ERC1: variants seen among roughly 807,000 people sequenced by gnomAD.
ERC1 encodes the protein ELKS/RAB6-interacting/CAST family member 1.
A neutral mutation model predicts 132.0 loss-of-function variants in ERC1; 56 were observed. That is an observed-to-expected ratio of 0.42 (90% confidence interval 0.34 to 0.53). ERC1 has a LOEUF of 0.53. ERC1 is among the 20% of genes least tolerant of loss of function. ERC1 has a pLI of 0.03. For missense variants in ERC1, 1,202 were observed against 1,349.9 expected (o/e 0.89, Z 1.72); for synonymous variants, 478 against 476.1 (o/e 1.00, Z -0.05).
chr12:1,341,069 C>CTTTTTCTTTTTTTTTTTTTT (rs2083806518), intron 15 of ERC1, among the ~76,000 whole-genome samples: 1 of 63,134 alleles, frequency 1.6e-5, no homozygotes, highest in African/African-American at 6.3e-5. Flanking sequence ...TTTTCTTTTT[C>CTTTTTCTTTTTTTTTTTTTT]TTTTTTTTTT....
At chr12:1,083,654 C>T (rs1593190346) in intron 3 of ERC1, 74 bp downstream of exon 3, 3 of 1,190,700 alleles carry the variant, frequency 2.5e-6, no homozygotes, top group Admixed American at 2.3e-5. Flanking sequence ...CATCTTGGCC[C>T]CAGTGAATCT....
chr12:1,400,904 G>T (rs2090964474), intron 16 of ERC1, among the ~76,000 whole-genome samples: 2 of 76,090 alleles, frequency 2.6e-5, no homozygotes, highest in African/African-American at 4.4e-5. Flanking sequence ...ATATTGTTTT[G>T]GCTATTTTTG....
Position 1,180,605 on chromosome 12 carries a change from C to G in ERC1, c.1803C>G (p.Val601=), listed in dbSNP as rs769992466. ...EKQMSSLKER[V]KSLQADTTNT... ...AGATGAGCAGCTTGAAAGAACGGGT[C>G]AAATCCTTGCAGGCTGACACCACCA... Residue 601 remains valine (V), a synonymous_variant, in exon 9 of 19, where the codon GTC becomes GTG. Coordinates refer to ENST00000360905, the MANE Select transcript of ERC1 (RefSeq NM_178040.4). 1.9e-6 allele frequency: 3 copies of G among 1,613,898 alleles called. No homozygotes were observed. The highest frequency in any genetic ancestry group is 1.6e-4 in the Middle Eastern group (1 of 6,084).
At chr12:1,417,123 G>A (rs1020933820) in intron 17 of ERC1, among the ~76,000 whole-genome samples, 1 of 151,994 alleles carries the variant, frequency 6.6e-6, no homozygotes, top group Non-Finnish European at 1.5e-5. Flanking sequence ...GTTTGACCTC[G>A]GCACACCACC....
At chr12:1,350,938 A>T (rs1227671651) in intron 15 of ERC1, among the ~76,000 whole-genome samples, 1 of 152,160 alleles carries the variant, frequency 6.6e-6, no homozygotes, top group South Asian at 2.1e-4. Flanking sequence ...TCTCCTGGGA[A>T]CTAATCTGTT....
chr12:1,490,889 G>A lies in ERC1; in HGVS notation c.*659G>A, dbSNP rs1053356494. 1 of 232,872 alleles carries A rather than the reference G, an allele frequency of 4.3e-6. No individual in the cohort carries two copies. The highest frequency in any genetic ancestry group is 8.5e-6 in the Non-Finnish European group (1 of 117,902). 14.4% of individuals were successfully genotyped at this position (232,872 alleles called of 1,614,324 possible). On this transcript the variant is annotated 3_prime_UTR_variant, in exon 19 of 19. Coordinates refer to ENST00000360905, the MANE Select transcript of ERC1 (RefSeq NM_178040.4). ...AGTCTTCATCCAGCCCTGCCTGTCT[G>A]TCGCAGCCTTCCTCACTCTGTTCCT...
chr12:1,006,198 C>T (rs10849615), intron 1 of ERC1, among the ~76,000 whole-genome samples: 144,993 of 151,534 alleles, frequency 0.96, 69,664 homozygotes, highest in East Asian at 1. Flanking sequence ...CTCAGGTGAT[C>T]CACCCGCCTC....
At chr12:1,188,391 C>T (rs766668454) in intron 11 of ERC1, among the ~76,000 whole-genome samples, 3 of 152,110 alleles carry the variant, frequency 2.0e-5, no homozygotes, top group Admixed American at 6.5e-5. Flanking sequence ...ATAGCCTTCT[C>T]CTGCCCATGA....
At chr12:1,189,183 G>A (rs1041593406) in intron 11 of ERC1, among the ~76,000 whole-genome samples, 4 of 152,176 alleles carry the variant, frequency 2.6e-5, no homozygotes, top group African/African-American at 9.7e-5. Context: ...ATAGTGCTGG[G>A]ATTACAGGCT....
At chr12:1,446,914 G>A (rs565676680) in intron 18 of ERC1, among the ~76,000 whole-genome samples, 3 of 152,224 alleles carry the variant, frequency 2.0e-5, no homozygotes. Flanking sequence ...CAGCTACTCA[G>A]GAGGCTGAGG....
chr12:1,171,266 TTA>T (rs1445988826), intron 8 of ERC1, among the ~76,000 whole-genome samples: 3 of 152,200 alleles, frequency 2.0e-5, no homozygotes, highest in African/African-American at 7.2e-5. Flanking sequence ...TTAGAGTTTC[TTA>T]TGGTTTTGTC....
intron 18 of ERC1, among the ~76,000 whole-genome samples, chr12:1,465,823 T>C (rs192303596): frequency 2.0e-5 from 3 of 152,310 alleles, no homozygotes; most frequent in Admixed American, 2.0e-4. Context: ...CTGCTGTTAC[T>C]CCCTGAGCCT....
chr12:1,449,623 A>C (rs968202525), intron 18 of ERC1, among the ~76,000 whole-genome samples: 3 of 152,116 alleles, frequency 2.0e-5, no homozygotes, highest in Admixed American at 6.5e-5. Context: ...AACCTCTTTA[A>C]TAATTACCCA....
chr12:1,176,703 C>T (rs1355948595), intron 8 of ERC1, among the ~76,000 whole-genome samples: 3 of 151,998 alleles, frequency 2.0e-5, no homozygotes, highest in East Asian at 1.9e-4. Flanking sequence ...ATCTCAGCCT[C>T]GTGAATAACT....
chr12:1,211,255 T>C (rs1957843129), intron 12 of ERC1, among the ~76,000 whole-genome samples: 1 of 151,988 alleles, frequency 6.6e-6, no homozygotes. Context: ...TTCAAGCGAT[T>C]CTCCTGCCTC....
intron 12 of ERC1, among the ~76,000 whole-genome samples, chr12:1,201,414 TTAA>T (rs1412865852): frequency 6.6e-6 from 1 of 152,234 alleles, no homozygotes; most frequent in Non-Finnish European, 1.5e-5. Flanking sequence ...TATTTCTAAA[TTAA>T]TATTATTTTG....
chr12:1,200,780 G>A (rs1184452151), intron 12 of ERC1, among the ~76,000 whole-genome samples: 4 of 152,008 alleles, frequency 2.6e-5, no homozygotes, highest in East Asian at 3.9e-4. Context: ...GGATGGTCTC[G>A]ATCTCCTGAC....
chr12:1,355,484 G>T (rs577186737), intron 15 of ERC1, among the ~76,000 whole-genome samples: 3 of 152,126 alleles, frequency 2.0e-5, no homozygotes, highest in Non-Finnish European at 4.4e-5. Flanking sequence ...TCTAAGTTCT[G>T]CAGCAGTGCT....
chr12:1,363,033 A>C (rs1030486799), intron 15 of ERC1, among the ~76,000 whole-genome samples: 1 of 152,188 alleles, frequency 6.6e-6, no homozygotes, highest in Non-Finnish European at 1.5e-5. Context: ...CATTTTGGTG[A>C]GTTTGTCAAG....
Sources: gnomAD v4.1 joint callset for allele counts (sites outside exome capture counted in the v4.1 genomes callset) on GRCh38, gnomAD v4.1.1 for gene constraint, MANE v1.5 for transcripts, NCBI Gene and HGNC (gene_info 2026-07-23, HGNC 2026-07-21) for gene names.